Variants in PPP1R13B observed in about 807,000 individuals in gnomAD.
PPP1R13B encodes the protein apoptosis-stimulating of p53 protein 1.
PPP1R13B carries 44 observed loss-of-function variants against 119.8 expected under a neutral mutation model. The observed-to-expected ratio is 0.37, with a 90% CI of 0.29 to 0.47. The LOEUF is 0.47. Among genes scored for constraint, PPP1R13B ranks in the 20% least tolerant of loss-of-function variants. PPP1R13B has a pLI of 0.99. For synonymous variants in PPP1R13B, 542 were observed against 561.5 expected, an observed-to-expected ratio of 0.97 and a Z score of 0.49; for missense variants, 1,227 against 1,413.5, an observed-to-expected ratio of 0.87 and a Z score of 2.12.
At chr14:103,810,192 G>C (rs1452736267) in intron 1 of PPP1R13B, among the ~76,000 whole-genome samples, 4 of 152,068 alleles carry the variant, frequency 2.6e-5, no homozygotes, top group African/African-American at 9.7e-5. Context: ...CGGAGGCTGA[G>C]GCAGGTGGAT....
At position 103,749,838 on chromosome 14, in the gene PPP1R13B, GC is replaced by G. The variant is rs1180045396; in HGVS notation, c.924del (p.Lys308AsnfsTer17). ...AGACGTTCACGCAGTTCACTGATTC[GC>G]TTGTCCATCATGGCCACCTCCATGT... ...KRNMEVAMMD[K>X]RISELRERLY... is the part of the protein sequence containing the mutation. On this transcript the variant is annotated frameshift_variant, in exon 8 of 17. Transcript: ENST00000202556. LOFTEE classifies it high-confidence loss of function. 1 of 1,613,780 alleles carries G rather than the reference GC, an allele frequency of 6.2e-7. No homozygotes were observed. The highest frequency in any genetic ancestry group is 8.5e-7 in the Non-Finnish European group (1 of 1,179,966).
At chr14:103,774,678 T>C (rs2085144678) in intron 4 of PPP1R13B, among the ~76,000 whole-genome samples, 1 of 152,170 alleles carries the variant, frequency 6.6e-6, no homozygotes, top group Admixed American at 6.5e-5. Flanking sequence ...CTCTCCTTAA[T>C]CTATCCTTAG....
chr14:103,765,493 T>C (rs1349535456), intron 4 of PPP1R13B, among the ~76,000 whole-genome samples: 2 of 152,188 alleles, frequency 1.3e-5, no homozygotes, highest in Non-Finnish European at 2.9e-5. Flanking sequence ...TTTCTATGAA[T>C]GGCTCTCGCC....
At chr14:103,794,050 T>G (rs906985649) in intron 2 of PPP1R13B, among the ~76,000 whole-genome samples, 1 of 152,098 alleles carries the variant, frequency 6.6e-6, no homozygotes, top group African/African-American at 2.4e-5. Flanking sequence ...AAGAAAACCA[T>G]CTACAAGTCA....
chr14:103,738,374 G>C lies in PPP1R13B; in HGVS notation c.2864+305C>G. ...TTTCACACGGAGCACAGAGTGTGAAGAGTCCATACGGAACATATGAGAAGG... is the reference window on the plus strand; with the variant it reads ...TTTCACACGGAGCACAGAGTGTGAACAGTCCATACGGAACATATGAGAAGG... On this transcript the variant is annotated intron_variant, in intron 14 of 16. Coordinates refer to ENST00000202556, the MANE Select transcript of PPP1R13B (RefSeq NM_015316.3). The surrounding 1 kb of genome is among the most constrained non-coding windows in gnomAD (Gnocchi z 5.6). 2.4e-6 allele frequency: 1 copy of C among 410,636 alleles called. No homozygotes were observed. Among genetic ancestry groups the C allele is most frequent in the South Asian group, 2.6e-5 (1 of 38,862 alleles). 25.4% of individuals were successfully genotyped at this position (410,636 alleles called of 1,614,324 possible).
At chr14:103,801,683 C>G (rs2085903976) in intron 1 of PPP1R13B, among the ~76,000 whole-genome samples, 1 of 152,148 alleles carries the variant, frequency 6.6e-6, no homozygotes, top group Non-Finnish European at 1.5e-5. Context: ...CCAAGCACTT[C>G]ACTTTTGAGT....
At chr14:103,769,639 G>T (rs2085019350) in intron 4 of PPP1R13B, among the ~76,000 whole-genome samples, 1 of 152,068 alleles carries the variant, frequency 6.6e-6, no homozygotes, top group Non-Finnish European at 1.5e-5. Flanking sequence ...AAAATAATTA[G>T]AATAAAACCT....
chr14:103,778,263 C>CT (rs34674155), intron 4 of PPP1R13B, among the ~76,000 whole-genome samples: 33,616 of 99,450 alleles, frequency 0.34, 7,054 homozygotes, highest in African/African-American at 0.37. Context: ...CCACATCTGA[C>CT]TTTTTTTTTT....
chr14:103,773,185 A>G (rs1042021628), intron 4 of PPP1R13B, among the ~76,000 whole-genome samples: 2 of 152,322 alleles, frequency 1.3e-5, no homozygotes, highest in South Asian at 4.1e-4. Context: ...GATGAATCTT[A>G]GGACAGTATC....
chr14:103,841,111 C>A (rs1369169332), intron 1 of PPP1R13B, among the ~76,000 whole-genome samples: 1 of 152,034 alleles, frequency 6.6e-6, no homozygotes, highest in African/African-American at 2.4e-5. Context: ...CATGGAGAAA[C>A]CCTGTCTCTA....
intron 1 of PPP1R13B, among the ~76,000 whole-genome samples, chr14:103,809,826 A>AATTATC (rs1567140723): frequency 6.7e-6 from 1 of 149,198 alleles, no homozygotes; most frequent in Non-Finnish European, 1.5e-5. Context: ...CTTGTCTCAA[A>AATTATC]ATTATTATTA....
Position 103,734,159 on chromosome 14 carries a change from A to G in PPP1R13B, c.*995T>C. On this transcript the variant is annotated 3_prime_UTR_variant, in exon 17 of 17. Transcript: ENST00000202556. ...ACAAAGGTGGCCTCACAGCCAGCCC[A>G]GGCAGGGAGATCGGCAGAGAGGGGT... is the stretch of plus-strand genomic sequence containing the variant. The G allele has an allele frequency of 4.4e-6, 1 of 226,510 alleles. No homozygotes were observed. The highest frequency in any genetic ancestry group is 9.1e-6 in the Non-Finnish European group (1 of 110,436). 14.0% of individuals were successfully genotyped at this position (226,510 alleles called of 1,614,324 possible). A position where few individuals can be genotyped will look rare whatever the true frequency, so the allele number is the denominator to read the frequency against.
chr14:103,797,987 C>T (rs2085799882), intron 1 of PPP1R13B, among the ~76,000 whole-genome samples: 1 of 151,892 alleles, frequency 6.6e-6, no homozygotes, highest in Non-Finnish European at 1.5e-5. Context: ...CCTAATAGAT[C>T]AAATATTTAG....
chr14:103,775,757 G>A (rs932321279), intron 4 of PPP1R13B, among the ~76,000 whole-genome samples: 5 of 152,128 alleles, frequency 3.3e-5, no homozygotes, highest in Non-Finnish European at 5.9e-5. Flanking sequence ...GTGTGTGTGC[G>A]TCTATTTCTT....
chr14:103,752,766 C>G (rs2084582818), intron 7 of PPP1R13B, among the ~76,000 whole-genome samples: 1 of 152,156 alleles, frequency 6.6e-6, no homozygotes, highest in Non-Finnish European at 1.5e-5. Context: ...AACTCCTGAT[C>G]TTGTGATCTG....
At chr14:103,798,692 C>T (rs906669876) in intron 1 of PPP1R13B, among the ~76,000 whole-genome samples, 1 of 151,924 alleles carries the variant, frequency 6.6e-6, no homozygotes, top group Non-Finnish European at 1.5e-5. Flanking sequence ...AAATAAAAAT[C>T]GTCTAGCCTT....
intron 1 of PPP1R13B, among the ~76,000 whole-genome samples, chr14:103,801,179 A>G (rs1271869221): frequency 6.6e-6 from 1 of 152,150 alleles, no homozygotes; most frequent in African/African-American, 2.4e-5. Flanking sequence ...AGTCAAATAA[A>G]GTTATTCCCT....
At chr14:103,804,968 C>G (rs544988864) in intron 1 of PPP1R13B, among the ~76,000 whole-genome samples, 1 of 152,268 alleles carries the variant, frequency 6.6e-6, no homozygotes, top group Admixed American at 6.5e-5. Flanking sequence ...TCCCAAGTAG[C>G]TGGGATTATA....
upstream of PPP1R13B, chr14:103,848,416 G>A (rs1000198347): frequency 2.0e-6 from 2 of 985,354 alleles, no homozygotes; most frequent in African/African-American, 3.5e-5. Context: ...AGAGCCCTGG[G>A]CAGGGCCCTG....
Sources: allele counts gnomAD v4.1 joint callset (sites outside exome capture counted in the v4.1 genomes callset), GRCh38; gene constraint gnomAD v4.1.1; non-coding constraint Gnocchi (gnomAD v3.1); transcripts MANE v1.5; gene names NCBI Gene and HGNC (gene_info 2026-07-23, HGNC 2026-07-21).